C1orf94: variants seen among roughly 807,000 people sequenced by gnomAD.
C1orf94 encodes uncharacterized protein C1orf94.
Under a neutral mutation model 53.6 loss-of-function variants are expected in C1orf94, and 45 were observed. That is an observed-to-expected ratio of 0.84 (90% confidence interval 0.66 to 1.08). C1orf94 has a LOEUF of 1.08. Ranked by LOEUF, C1orf94 falls within the 50% of genes least tolerant of loss-of-function variation. The pLI, the probability that C1orf94 is intolerant of heterozygous loss-of-function variation, is 0.00. For synonymous variants in C1orf94, 304 were observed against 296.1 expected (o/e 1.03, Z -0.27); for missense variants, 762 against 738.9 (o/e 1.03, Z -0.36).
intron 1 of C1orf94, among the ~76,000 whole-genome samples, chr1:34,193,693 C>T (rs542979597): frequency 6.6e-6 from 1 of 152,332 alleles, no homozygotes; most frequent in East Asian, 1.9e-4. Flanking sequence ...ATGATCCAGG[C>T]TACTGCCCAG....
At chr1:34,176,359 C>T (rs1470128373), upstream of C1orf94, among the ~76,000 whole-genome samples, 1 of 152,110 alleles carries the variant, frequency 6.6e-6, no homozygotes, top group African/African-American at 2.4e-5. Flanking sequence ...GAAAGTCTCC[C>T]TCAGCAGAGG....
chr1:34,208,964 G>C (rs1642847197), intron 5 of C1orf94, among the ~76,000 whole-genome samples: 1 of 152,146 alleles, frequency 6.6e-6, no homozygotes, highest in Non-Finnish European at 1.5e-5. Flanking sequence ...TAAAATCCAG[G>C]ACACCCAGTT....
intron 3 of C1orf94, among the ~76,000 whole-genome samples, chr1:34,201,742 A>G (rs1374428508): frequency 6.6e-6 from 1 of 152,232 alleles, no homozygotes; most frequent in Non-Finnish European, 1.5e-5. Context: ...GATTTTTCCA[A>G]AGCAGTTGAA....
intron 4 of C1orf94, among the ~76,000 whole-genome samples, chr1:34,202,697 T>A (rs1356486358): frequency 6.6e-6 from 1 of 152,170 alleles, no homozygotes; most frequent in Non-Finnish European, 1.5e-5. Flanking sequence ...ATGACATATA[T>A]CCCAGATTAT....
intron 4 of C1orf94, among the ~76,000 whole-genome samples, chr1:34,203,265 G>A (rs1642742330): frequency 6.6e-6 from 1 of 152,132 alleles, no homozygotes; most frequent in South Asian, 2.1e-4. Flanking sequence ...AGCCTCCCAA[G>A]TAGCTGGGAT....
intron 6 of C1orf94, among the ~76,000 whole-genome samples, chr1:34,218,104 G>A (rs987636654): frequency 3.9e-5 from 6 of 152,256 alleles, no homozygotes; most frequent in Admixed American, 1.3e-4. Context: ...TGAGGCTCAC[G>A]TCTTAACCCT....
intron 2 of C1orf94, among the ~76,000 whole-genome samples, chr1:34,199,759 T>C (rs900394465): frequency 1.3e-5 from 2 of 152,216 alleles, no homozygotes; most frequent in African/African-American, 4.8e-5. Flanking sequence ...GTGAGAAACC[T>C]GTGTCTGCCA....
In C1orf94 at chr1:34,197,350, G is replaced by T; in HGVS notation, c.446G>T (p.Ser149Ile). The change falls in exon 2 of 7, where the codon AGC (serine) becomes ATC (isoleucine). Residue 149 changes from serine to isoleucine, a missense_variant. Ser to Ile is a moderately radical substitution (Grantham distance 142). Coordinates refer to ENST00000488417, the MANE Select transcript of C1orf94 (RefSeq NM_001134734.2). This position sits in a 1 kb window ranked among gnomAD's most constrained non-coding sequence, Gnocchi z 4.1. ...ESSGELEVPG[S>I]SPEGTRELAP... The stretch of plus-strand genomic sequence containing the variant: ...TCTGGGGAGCTGGAGGTACCCGGCA[G>T]CTCTCCCGAGGGGACCAGAGAGCTG... 6.2e-7 allele frequency: 1 copy of T among 1,601,976 alleles called. No individual in the cohort carries two copies. The highest frequency in any genetic ancestry group is 8.5e-7 in the Non-Finnish European group (1 of 1,173,944).
chr1:34,177,961 C>A lies in C1orf94; in HGVS notation c.172C>A (p.Pro58Thr), dbSNP rs1224286952. The A allele has an allele frequency of 3.9e-6, 6 of 1,551,618 alleles. No homozygotes were observed. Among genetic ancestry groups the A allele is most frequent in the Non-Finnish European group, 5.2e-6 (6 of 1,147,004 alleles). ...ATACATCTGGATCCACCAGGACACA[C>A]CCCAAGACAGCCTAGACAAGACTTG... is the stretch of plus-strand genomic sequence containing the variant. ...PRYIWIHQDT[P>T]QDSLDKTCHE... Residue 58 changes from proline (P) to threonine (T), a missense_variant, in exon 1 of 7, where the codon CCC (proline) becomes ACC (threonine). Pro to Thr is a conservative substitution (Grantham distance 38). Transcript: ENST00000488417.
At position 34,204,991 on chromosome 1, in the gene C1orf94, C is replaced by T. The variant is rs1486830567; in HGVS notation, c.1446+2732C>T. Among the ~76,000 whole-genome samples the T allele has an allele frequency of 5.3e-5, 8 of 152,312 alleles. No individual in the cohort carries two copies. In the East Asian group the frequency reaches 7.7e-4, roughly 15 times the overall value. On this transcript the variant is annotated intron_variant, in intron 4 of 6. Coordinates refer to ENST00000488417, the MANE Select transcript of C1orf94 (RefSeq NM_001134734.2). Reference sequence around the variant, plus strand: ...ACTGCATAATTCATTTAGTACAAGTCGATTCACTCTAAAATGCCCTCACAG... The same window carrying T: ...ACTGCATAATTCATTTAGTACAAGTTGATTCACTCTAAAATGCCCTCACAG...
chr1:34,169,759 G>A (rs1642115349), intron 1 of C1orf94, among the ~76,000 whole-genome samples: 1 of 152,186 alleles, frequency 6.6e-6, no homozygotes, highest in African/African-American at 2.4e-5. Flanking sequence ...CCCAAATGGG[G>A]CACAATTTTA....
rs1374771935 is a variant in C1orf94, at chr1:34,201,048, C to T, written c.1270+16C>T. 2.5e-6 allele frequency: 4 copies of T among 1,569,076 alleles called. No individual in the cohort carries two copies. The highest frequency in any genetic ancestry group is 2.6e-6 in the Non-Finnish European group (3 of 1,156,288). ...GAGCTGAAATGTGAGCTGACCTACCCAGGGAGGGATTGGAGGGGAGGGGGT... is the reference window on the plus strand; with the variant it reads ...GAGCTGAAATGTGAGCTGACCTACCTAGGGAGGGATTGGAGGGGAGGGGGT... On this transcript the variant is annotated intron_variant, in intron 3 of 6. Transcript: ENST00000488417.
intron 1 of C1orf94, among the ~76,000 whole-genome samples, chr1:34,183,932 A>G (rs1449996763): frequency 6.6e-6 from 1 of 152,158 alleles, no homozygotes; most frequent in African/African-American, 2.4e-5. Context: ...AGCTGGGGAC[A>G]GTCTCTGACC....
At chr1:34,182,333 C>T (rs1642322450) in intron 1 of C1orf94, among the ~76,000 whole-genome samples, 1 of 152,206 alleles carries the variant, frequency 6.6e-6, no homozygotes, top group Non-Finnish European at 1.5e-5. Flanking sequence ...CAGGCAAGGC[C>T]TCAGGAGGCC....
At chr1:34,212,478 T>C (rs1166680631) in intron 6 of C1orf94, 72 bp downstream of exon 6, 1 of 1,417,522 alleles carries the variant, frequency 7.1e-7, no homozygotes, top group African/African-American at 1.4e-5. Flanking sequence ...TTGGGTGGGC[T>C]TACCAGCGCT....
chr1:34,185,226 C>A (rs1402443291), intron 1 of C1orf94, among the ~76,000 whole-genome samples: 1 of 152,170 alleles, frequency 6.6e-6, no homozygotes, highest in Middle Eastern at 3.2e-3. Flanking sequence ...GTCACCCAGG[C>A]TGGAGTGCAG....
intron 2 of C1orf94, 50 bp from the exon 3 acceptor site, chr1:34,200,722 C>T (rs1478054341): frequency 6.2e-7 from 1 of 1,606,948 alleles, no homozygotes; most frequent in Admixed American, 1.7e-5. Context: ...CTTCCAGCAT[C>T]CAGCACTTGG....
Position 34,197,986 on chromosome 1 carries a change from G to GC in C1orf94, c.1009+74dup, listed in dbSNP as rs893364780. 7.5e-5 allele frequency: 106 copies of GC among 1,416,682 alleles called. No homozygotes were observed. The highest frequency in any genetic ancestry group is 9.5e-5 in the Non-Finnish European group (99 of 1,044,772). The allele number at this position is 1,416,682 out of a possible 1,614,324, so 87.8% of individuals were successfully genotyped here. A position where few individuals can be genotyped will look rare whatever the true frequency, so the allele number is the denominator to read the frequency against. The stretch of plus-strand genomic sequence containing the variant: ...CCTTCCCAGGAAGCCAATCAGGGCT[G>GC]CAGCATGTACATAAAGCATCTTCAT... On this transcript the variant is annotated intron_variant, in intron 2 of 6. Transcript: ENST00000488417. The surrounding 1 kb of genome is among the most constrained non-coding windows in gnomAD (Gnocchi z 4.1).
intron 2 of C1orf94, among the ~76,000 whole-genome samples, chr1:34,199,618 G>A (rs11584467): frequency 0.035 from 5,294 of 152,318 alleles, 153 homozygotes; most frequent in Non-Finnish European, 0.056. Flanking sequence ...ACAGATCCCG[G>A]TGCCTGCTAT....
Sources: gnomAD v4.1 joint callset for allele counts (sites outside exome capture counted in the v4.1 genomes callset) on GRCh38, gnomAD v4.1.1 for gene constraint, Gnocchi (gnomAD v3.1) non-coding constraint, MANE v1.5 for transcripts, NCBI Gene and HGNC (gene_info 2026-07-23, HGNC 2026-07-21) for gene names.